The following CCDC138 variants were observed in gnomAD, a reference collection of about 807,000 sequenced individuals.
CCDC138 encodes the protein coiled-coil domain containing 138, also known as coiled-coil domain-containing protein 138.
In CCDC138, 66 loss-of-function variants were observed where a neutral mutation model predicts 82.3. That is an observed-to-expected ratio of 0.80 (90% CI 0.66 to 0.98). The LOEUF (loss-of-function observed/expected upper bound fraction) is 0.98. Ranked by LOEUF, CCDC138 falls within the 50% of genes least tolerant of loss-of-function variation. The pLI is 0.00. For missense variants in CCDC138, 816 were observed against 758.9 expected (o/e 1.08, Z -0.88); for synonymous variants, 297 against 265.4 (o/e 1.12, Z -1.16).
intron 1 of CCDC138, among the ~76,000 whole-genome samples, chr2:108,881,850 T>A (rs1412603764): frequency 6.6e-6 from 1 of 152,112 alleles, no homozygotes. Context: ...AATAGTAACA[T>A]CAGAGATTAT....
chr2:108,846,728 T>A lies in CCDC138; in HGVS notation c.1324-10T>A, dbSNP rs764478101. 15 of 1,594,812 alleles carry A rather than the reference T, an allele frequency of 9.4e-6. No homozygotes were observed. The highest frequency in any genetic ancestry group is 1.3e-5 in the Non-Finnish European group (15 of 1,172,368). On this transcript the variant is annotated splice_polypyrimidine_tract_variant and intron_variant, in intron 11 of 14. Transcript: ENST00000295124. Reference sequence around the variant, plus strand: ...AATAAATATACTAAGATTGTACATATTTTTAACAGCACTCGACTATGACAT... The same window carrying A: ...AATAAATATACTAAGATTGTACATAATTTTAACAGCACTCGACTATGACAT...
chr2:108,874,727 A>G (rs1695770674), intron 14 of CCDC138, among the ~76,000 whole-genome samples: 1 of 152,160 alleles, frequency 6.6e-6, no homozygotes, highest in South Asian at 2.1e-4. Context: ...GTCAAATTAT[A>G]ACCTTATAAT....
intron 13 of CCDC138, among the ~76,000 whole-genome samples, chr2:108,861,254 T>A (rs944928128): frequency 6.6e-6 from 1 of 151,850 alleles, no homozygotes; most frequent in Non-Finnish European, 1.5e-5. Flanking sequence ...GGTTTATTGA[T>A]CTTGTTTATC....
At position 108,791,725 on chromosome 2, in the gene CCDC138, A is replaced by G; in HGVS notation, c.317A>G (p.Glu106Gly). The G allele has an allele frequency of 6.2e-7, 1 of 1,606,668 alleles. No individual in the cohort carries two copies. Among genetic ancestry groups the G allele is most frequent in the Non-Finnish European group, 8.5e-7 (1 of 1,175,188 alleles). ...SFHDLKKQETEEELIENDYRV... is the reference protein window; with the variant it reads ...SFHDLKKQETGEELIENDYRV... ...CATGATTTGAAGAAACAGGAAACAG[A>G]AGAAGAGTTAATTGAAAATGATTAT... is the stretch of plus-strand genomic sequence containing the variant. Residue 106 changes from glutamate (E) to glycine (G), a missense_variant, in exon 4 of 15, where the codon GAA (glutamate) becomes GGA (glycine). Transcript: ENST00000295124.
At chr2:108,837,298 G>A (rs1574148057) in intron 10 of CCDC138, among the ~76,000 whole-genome samples, 1 of 152,214 alleles carries the variant, frequency 6.6e-6, no homozygotes, top group Middle Eastern at 3.4e-3. Flanking sequence ...ATAATCGTGT[G>A]GGTTTTGTCC....
chr2:108,790,875 C>T (rs1679796285), intron 3 of CCDC138, among the ~76,000 whole-genome samples: 1 of 152,116 alleles, frequency 6.6e-6, no homozygotes. Flanking sequence ...CCTCAGGCTC[C>T]TGAGTAGCTG....
chr2:108,863,998 CAG>C (rs2104912897), intron 13 of CCDC138, among the ~76,000 whole-genome samples: 1 of 152,268 alleles, frequency 6.6e-6, no homozygotes, highest in African/African-American at 2.4e-5. Context: ...ACACTGTTAA[CAG>C]AATCTCTGTT....
chr2:108,830,923 C>A (rs1215446279), intron 10 of CCDC138, among the ~76,000 whole-genome samples: 1 of 152,034 alleles, frequency 6.6e-6, no homozygotes, highest in Non-Finnish European at 1.5e-5. Flanking sequence ...GCCTGTAGTC[C>A]CAGCACTTTG....
In CCDC138 at chr2:108,830,028, A is replaced by G. The variant is rs184378957; in HGVS notation, c.1207-9157A>G. 2.0e-5 allele frequency among the ~76,000 whole-genome samples: 3 copies of G among 152,338 alleles called. No homozygotes were observed. In the East Asian group the frequency reaches 5.8e-4, roughly 29 times the overall value. ...GAAGGTGGACACAAGGTAAATGCTC[A>G]TCCATGGATGAGTGGATAAACAAGA... On this transcript the variant is annotated intron_variant, in intron 10 of 14. Transcript: ENST00000295124.
intron 10 of CCDC138, among the ~76,000 whole-genome samples, chr2:108,819,868 GA>G (rs34671288): frequency 0.64 from 96,978 of 151,998 alleles, 34,517 homozygotes; most frequent in East Asian, 0.92. Context: ...GCAGATCTCT[GA>G]ACTTTGTGAT....
downstream of CCDC138, among the ~76,000 whole-genome samples, chr2:108,880,201 A>C (rs558093016): frequency 6.7e-4 from 58 of 86,042 alleles, no homozygotes; most frequent in African/African-American, 1.8e-3. Flanking sequence ...TAAAAAAAAA[A>C]AACAACAACA....
intron 6 of CCDC138, among the ~76,000 whole-genome samples, chr2:108,800,803 G>T (rs559679558): frequency 3.8e-5 from 4 of 105,470 alleles, no homozygotes; most frequent in Non-Finnish European, 5.6e-5. Flanking sequence ...ACAGTCCCCA[G>T]AGTGTGATAT....
At chr2:108,819,765 C>CA (rs1373151632) in intron 10 of CCDC138, among the ~76,000 whole-genome samples, 1 of 151,904 alleles carries the variant, frequency 6.6e-6, no homozygotes, top group Non-Finnish European at 1.5e-5. Flanking sequence ...CCCAAATACC[C>CA]ATTAAAAAAG....
At chr2:108,853,903 T>C (rs1483745546) in intron 12 of CCDC138, among the ~76,000 whole-genome samples, 1 of 123,164 alleles carries the variant, frequency 8.1e-6, no homozygotes, top group Non-Finnish European at 1.6e-5. Context: ...ATATATATTA[T>C]ATATTATATA....
chr2:108,842,765 C>T (rs1689728345), intron 11 of CCDC138, among the ~76,000 whole-genome samples: 1 of 152,058 alleles, frequency 6.6e-6, no homozygotes, highest in Non-Finnish European at 1.5e-5. Context: ...GTGACTGATC[C>T]CTGCTTCTAG....
chr2:108,818,094 C>T (rs186720490), intron 10 of CCDC138, among the ~76,000 whole-genome samples: 37 of 152,126 alleles, frequency 2.4e-4, no homozygotes, highest in Non-Finnish European at 5.3e-4. Flanking sequence ...TTGCTTGAGC[C>T]TAGGGGTTTG....
intron 10 of CCDC138, among the ~76,000 whole-genome samples, chr2:108,833,203 T>G (rs1414362593): frequency 2.0e-5 from 3 of 152,242 alleles, no homozygotes; most frequent in Non-Finnish European, 4.4e-5. Flanking sequence ...TGTCAAAATC[T>G]GTAGACTATA....
intron 10 of CCDC138, among the ~76,000 whole-genome samples, chr2:108,829,651 C>T (rs1687214828): frequency 6.6e-6 from 1 of 152,180 alleles, no homozygotes; most frequent in South Asian, 2.1e-4. Context: ...GAGGCTGAGG[C>T]ATGGGAATCG....
At chr2:108,841,203 T>C (rs948507066) in intron 11 of CCDC138, among the ~76,000 whole-genome samples, 10 of 152,174 alleles carry the variant, frequency 6.6e-5, no homozygotes, top group African/African-American at 2.2e-4. Flanking sequence ...AGTTGTATTG[T>C]TGAGGTTGTT....
Sources: allele counts gnomAD v4.1 joint callset (sites outside exome capture counted in the v4.1 genomes callset), GRCh38; gene constraint gnomAD v4.1.1; transcripts MANE v1.5; gene names NCBI Gene and HGNC (gene_info 2026-07-23, HGNC 2026-07-21).